BRINP1: variants seen among roughly 807,000 people sequenced by gnomAD.
BRINP1 encodes the protein BMP/retinoic acid-inducible neural-specific protein 1.
BRINP1 carries 17 observed loss-of-function variants against 72.9 expected under a neutral mutation model. The observed-to-expected ratio is 0.23, with a 90% CI of 0.16 to 0.35. The LOEUF is 0.35. Ranked by LOEUF, BRINP1 falls within the 10% of genes least tolerant of loss-of-function variation. The probability of loss-of-function intolerance (pLI) is 1.00; values close to 1 mark genes in which losing one functional copy is unlikely to be tolerated. For missense variants in BRINP1, 850 were observed against 1,001.6 expected (o/e 0.85, Z 2.04); for synonymous variants, 418 against 378.5 (o/e 1.10, Z -1.21).
At chr9:119,212,347 T>C (rs1829937677) in intron 6 of BRINP1, among the ~76,000 whole-genome samples, 1 of 152,244 alleles carries the variant, frequency 6.6e-6, no homozygotes, top group Non-Finnish European at 1.5e-5. Flanking sequence ...AAGATTTTGC[T>C]TGATCAAATA....
At position 119,167,519 on chromosome 9, in the gene BRINP1, G is replaced by T. The variant is rs772291414; in HGVS notation, c.1851C>A (p.Ile617=). ...RWKTFFETVH[I]YLRSRTRLPT... ...GTAGCCGAGTCCGACTACGTAGGTA[G>T]ATGTGGACCGTCTCGAAAAATGTTT... Residue 617 remains isoleucine (I), a synonymous_variant, in exon 8 of 8, where the codon ATC becomes ATA. Coordinates refer to ENST00000265922, the MANE Select transcript of BRINP1 (RefSeq NM_014618.3). This position sits in a 1 kb window ranked among gnomAD's most constrained non-coding sequence, Gnocchi z 4.3. 2 of 1,614,196 alleles carry T rather than the reference G, an allele frequency of 1.2e-6. No individual in the cohort carries two copies. Among genetic ancestry groups the T allele is most frequent in the Non-Finnish European group, 1.7e-6 (2 of 1,180,030 alleles).
rs567240595 is a variant in BRINP1, at chr9:119,261,678, C to G, written c.219-12528G>C. Reference sequence around the variant, plus strand: ...ATAGCCTACAAAAGGCCACTGCCAACAACCAACGTGGTATTTCTGCAAGCT... The same window carrying G: ...ATAGCCTACAAAAGGCCACTGCCAAGAACCAACGTGGTATTTCTGCAAGCT... On this transcript the variant is annotated intron_variant, in intron 2 of 7. Transcript: ENST00000265922. Among the ~76,000 whole-genome samples, 10 of 152,326 alleles carry G rather than the reference C, an allele frequency of 6.6e-5. No homozygotes were observed. In the South Asian group the frequency reaches 1.2e-3, roughly 19 times the overall value.
chr9:119,309,195 C>T (rs1187704921), intron 2 of BRINP1, among the ~76,000 whole-genome samples: 2 of 152,214 alleles, frequency 1.3e-5, no homozygotes, highest in Non-Finnish European at 2.9e-5. Flanking sequence ...GCTCATCCCA[C>T]TTGCATAAGG....
intron 5 of BRINP1, among the ~76,000 whole-genome samples, chr9:119,220,131 A>G (rs1361159504): frequency 1.3e-5 from 2 of 152,206 alleles, no homozygotes; most frequent in African/African-American, 2.4e-5. Flanking sequence ...CCTTAGAGGA[A>G]ATAGCATTTC....
At chr9:119,178,890 A>T in intron 7 of BRINP1, among the ~76,000 whole-genome samples, 1 of 152,216 alleles carries the variant, frequency 6.6e-6, no homozygotes, top group East Asian at 1.9e-4. Flanking sequence ...GAAAAGAAAT[A>T]AATTGAAATA....
intron 1 of BRINP1, among the ~76,000 whole-genome samples, chr9:119,317,990 G>T (rs1359690485): frequency 6.6e-6 from 1 of 152,152 alleles, no homozygotes; most frequent in Non-Finnish European, 1.5e-5. Flanking sequence ...AAAAAATTGG[G>T]GTGATTCAAT....
intron 2 of BRINP1, among the ~76,000 whole-genome samples, chr9:119,290,141 C>A (rs1830807381): frequency 6.6e-6 from 1 of 152,170 alleles, no homozygotes; most frequent in Admixed American, 6.5e-5. Flanking sequence ...CTAAAGCAGA[C>A]AGAAGCCATA....
intron 6 of BRINP1, among the ~76,000 whole-genome samples, chr9:119,211,793 G>A (rs1018042944): frequency 1.3e-5 from 2 of 152,200 alleles, no homozygotes; most frequent in African/African-American, 4.8e-5. Flanking sequence ...GAGAAGCACA[G>A]GAGATCTAGA....
chr9:119,290,889 G>A (rs10984468), intron 2 of BRINP1, among the ~76,000 whole-genome samples: 11,382 of 152,138 alleles, frequency 0.075, 518 homozygotes, highest in Non-Finnish European at 0.077. Flanking sequence ...TTGGGAGGCC[G>A]AGGCGGGCAG....
intron 1 of BRINP1, 84 bp from the exon 2 acceptor site, chr9:119,313,489 A>T: frequency 1.5e-6 from 2 of 1,295,082 alleles, no homozygotes; most frequent in Non-Finnish European, 2.1e-6. Context: ...TAAAAGAAAA[A>T]GACACAGGAA....
At chr9:119,328,329 T>A (rs1831260162) in intron 1 of BRINP1, among the ~76,000 whole-genome samples, 1 of 152,146 alleles carries the variant, frequency 6.6e-6, no homozygotes. Context: ...GATTAAGGCA[T>A]GAATGGGATG....
intron 2 of BRINP1, among the ~76,000 whole-genome samples, chr9:119,293,145 T>A (rs935614033): frequency 2.0e-5 from 3 of 152,064 alleles, no homozygotes; most frequent in East Asian, 3.9e-4. Context: ...GTATAAATGA[T>A]CAGTAAATTG....
chr9:119,171,008 T>C (rs1171589872), intron 7 of BRINP1, among the ~76,000 whole-genome samples: 1 of 144,902 alleles, frequency 6.9e-6, no homozygotes, highest in Admixed American at 6.7e-5. Flanking sequence ...GAACAACCGG[T>C]ACCAGCCGCT....
intron 1 of BRINP1, among the ~76,000 whole-genome samples, chr9:119,325,479 C>T (rs1384561008): frequency 1.3e-5 from 2 of 152,206 alleles, no homozygotes; most frequent in Non-Finnish European, 2.9e-5. Flanking sequence ...CATCCATCTA[C>T]TTCCTTTGCC....
intron 2 of BRINP1, among the ~76,000 whole-genome samples, chr9:119,274,121 ATTT>A (rs1274324406): frequency 5.3e-5 from 8 of 152,194 alleles, no homozygotes; most frequent in Non-Finnish European, 8.8e-5. Context: ...AGTCGATCCT[ATTT>A]TGTTTATTCT....
At chr9:119,300,321 T>C (rs1830926853) in intron 2 of BRINP1, among the ~76,000 whole-genome samples, 1 of 152,176 alleles carries the variant, frequency 6.6e-6, no homozygotes, top group Non-Finnish European at 1.5e-5. Flanking sequence ...ACAAAGTGAC[T>C]ATAGTAAAAA....
At chr9:119,335,043 G>C (rs146601901) in intron 1 of BRINP1, among the ~76,000 whole-genome samples, 1 of 152,296 alleles carries the variant, frequency 6.6e-6, no homozygotes, top group East Asian at 1.9e-4. Context: ...CTGCTGGAGA[G>C]CAGGGAGAAA....
At chr9:119,336,858 AGAG>A (rs1391016331) in intron 1 of BRINP1, among the ~76,000 whole-genome samples, 1 of 152,178 alleles carries the variant, frequency 6.6e-6, no homozygotes, top group Non-Finnish European at 1.5e-5. Flanking sequence ...TGAGAATGAA[AGAG>A]GATAGCTCCC....
intron 2 of BRINP1, among the ~76,000 whole-genome samples, chr9:119,280,404 ATT>A (rs547288880): frequency 1.4e-5 from 2 of 142,088 alleles, no homozygotes; most frequent in African/African-American, 2.6e-5. Context: ...ACACCCAGCT[ATT>A]TTTTTTTTTT....
Sources: gnomAD v4.1 joint callset for allele counts (sites outside exome capture counted in the v4.1 genomes callset) on GRCh38, gnomAD v4.1.1 for gene constraint, Gnocchi (gnomAD v3.1) non-coding constraint, MANE v1.5 for transcripts, NCBI Gene and HGNC (gene_info 2026-07-23, HGNC 2026-07-21) for gene names.